The following SNX32 variants were observed in gnomAD, a reference collection of about 807,000 sequenced individuals.
The protein encoded by SNX32 is sorting nexin 32.
A neutral mutation model predicts 57.0 loss-of-function variants in SNX32; 58 were observed. The observed-to-expected ratio is 1.02, with a 90% CI of 0.82 to 1.27. The LOEUF is 1.27. SNX32 is among the 50% of genes most tolerant of loss of function. The pLI, the probability that SNX32 is intolerant of heterozygous loss-of-function variation, is 0.00. For missense variants in SNX32, 589 were observed against 541.2 expected (o/e 1.09, Z -0.88); for synonymous variants, 262 against 220.4 (o/e 1.19, Z -1.67).
intron 9 of SNX32, 52 bp downstream of exon 9, chr11:65,851,731 A>G (rs769466314): frequency 8.4e-5 from 134 of 1,591,774 alleles, no homozygotes; most frequent in South Asian, 1.1e-4. Context: ...TTTGCAGGGA[A>G]GATGAGTCCT....
At chr11:65,840,665 A>G (rs1462439842) in intron 1 of SNX32, among the ~76,000 whole-genome samples, 3 of 152,040 alleles carry the variant, frequency 2.0e-5, no homozygotes, top group Admixed American at 2.0e-4. Flanking sequence ...TTAGCCAGGC[A>G]TGGTGGCAGA....
intron 1 of SNX32, among the ~76,000 whole-genome samples, chr11:65,845,282 T>C (rs1384499566): frequency 6.8e-6 from 1 of 147,210 alleles, no homozygotes; most frequent in Non-Finnish European, 1.5e-5. Flanking sequence ...TACTAAAAAA[T>C]ACAAAATTAG....
At chr11:65,849,680 C>A in intron 2 of SNX32, 98 bp downstream of exon 2, 2 of 1,124,270 alleles carry the variant, frequency 1.8e-6, no homozygotes, top group Non-Finnish European at 1.3e-6. Context: ...CCTGTGGGCA[C>A]TCTTCCTCCA....
intron 1 of SNX32, 49 bp from the exon 2 acceptor site, chr11:65,849,429 G>A (rs2134697781): frequency 6.8e-7 from 1 of 1,461,254 alleles, no homozygotes; most frequent in Non-Finnish European, 9.4e-7. Context: ...GGCAAGGAAG[G>A]GCAAAGGGGC....
intron 5 of SNX32, 30 bp downstream of exon 5, chr11:65,850,584 C>A (rs751914009): frequency 5.1e-6 from 8 of 1,583,188 alleles, no homozygotes; most frequent in Non-Finnish European, 6.9e-6. Context: ...TGGGGTCACC[C>A]TTGGGCCAGG....
chr11:65,843,085 G>A (rs1034655063), intron 1 of SNX32, among the ~76,000 whole-genome samples: 1 of 150,898 alleles, frequency 6.6e-6, no homozygotes, highest in Admixed American at 6.6e-5. Flanking sequence ...TTAGCTGGGC[G>A]TGGTGGGCAC....
At chr11:65,844,322 A>G (rs1289450797) in intron 1 of SNX32, among the ~76,000 whole-genome samples, 1 of 152,162 alleles carries the variant, frequency 6.6e-6, no homozygotes, top group Non-Finnish European at 1.5e-5. Flanking sequence ...AAAGTTTATC[A>G]TACTTAATAG....
At chr11:65,840,522 GGC>G (rs1198138009) in intron 1 of SNX32, among the ~76,000 whole-genome samples, 2 of 152,112 alleles carry the variant, frequency 1.3e-5, no homozygotes, top group African/African-American at 4.8e-5. Context: ...CAAAAGAACT[GGC>G]CAGGAAGGTG....
At chr11:65,839,223 G>GTTTTGTTTTTTTTTTTTTTTT (rs755185237) in intron 1 of SNX32, among the ~76,000 whole-genome samples, 1 of 23,068 alleles carries the variant, frequency 4.3e-5, no homozygotes, top group South Asian at 2.1e-3. Context: ...TAATTTTTTT[G>GTTTTGTTTTTTTTTTTTTTTT]TATTTTTTTT....
At chr11:65,846,141 G>A (rs1403402851) in intron 1 of SNX32, among the ~76,000 whole-genome samples, 1 of 152,026 alleles carries the variant, frequency 6.6e-6, no homozygotes, top group South Asian at 2.1e-4. Flanking sequence ...CGTGGTGGTG[G>A]GCGTCTGTAA....
rs778115486 is a variant in SNX32, at chr11:65,850,464, G to A, written c.408G>A (p.Ala136=). 27 of 1,614,082 alleles carry A rather than the reference G, an allele frequency of 1.7e-5. No individual in the cohort carries two copies. Among genetic ancestry groups the A allele is most frequent in the Middle Eastern group, 3.3e-4 (2 of 6,084 alleles). Residue 136 remains alanine, a synonymous_variant, in exon 5 of 13, where the codon GCG becomes GCA. Coordinates refer to ENST00000308342, the MANE Select transcript of SNX32 (RefSeq NM_152760.3). ...EYLAIFKKTV[A]MHEVFLQRLA... is the part of the protein sequence containing the mutation. ...TGGCCATCTTTAAGAAGACAGTTGC[G>A]ATGCACGAAGTCTTTCTGCAGCGCC...
Position 65,853,321 on chromosome 11 carries a change from A to G in SNX32, c.1198A>G (p.Lys400Glu). Residue 400 changes from lysine to glutamate, a missense_variant, in exon 13 of 13, where the codon AAG becomes GAG. By Grantham distance (56) the Lys-to-Glu change is moderately conservative. Transcript: ENST00000308342. ...TCTCCGGAACACCCTTGTTGCCCTAAAGGGGGAGCCTTAGAGTAGCCAGAG... is the reference window on the plus strand; with the variant it reads ...TCTCCGGAACACCCTTGTTGCCCTAGAGGGGGAGCCTTAGAGTAGCCAGAG... ...LILRNTLVAL[K>E]GEP is the part of the protein sequence containing the mutation. The G allele has an allele frequency of 6.2e-7, 1 of 1,614,008 alleles. No individual in the cohort carries two copies. Among genetic ancestry groups the G allele is most frequent in the Middle Eastern group, 1.6e-4 (1 of 6,062 alleles).
intron 9 of SNX32, among the ~76,000 whole-genome samples, chr11:65,851,920 G>A (rs1216808383): frequency 1.3e-5 from 2 of 152,168 alleles, no homozygotes; most frequent in East Asian, 3.9e-4. Context: ...CAGCAGCGGA[G>A]GGTTGGGAGG....
chr11:65,851,598 T>TCCTCAG (rs747659779), intron 8 of SNX32, 42 bp from the exon 9 acceptor site: 20 of 1,610,682 alleles, frequency 1.2e-5, no homozygotes, highest in Non-Finnish European at 1.7e-5. Context: ...TTTGAGCTGT[T>TCCTCAG]CCTCAGCCCC....
In SNX32 at chr11:65,852,651, C is replaced by T. The variant is rs368132118; in HGVS notation, c.934C>T (p.Arg312Trp). 135 of 1,604,072 alleles carry T rather than the reference C, an allele frequency of 8.4e-5. No individual in the cohort carries two copies. The highest frequency in any genetic ancestry group is 6.5e-4 in the East Asian group (29 of 44,536). The change falls in exon 11 of 13, where the codon CGG becomes TGG. Residue 312 changes from arginine to tryptophan, a missense_variant. Transcript: ENST00000308342. Reference protein sequence around the residue: ...AAKDLLYRRLRALADYENANK... With the variant: ...AAKDLLYRRLWALADYENANK... ...CTAGGACCTGCTGTACCGGCGGCTG[C>T]GGGCACTGGCCGACTACGAGAATGC...
rs1859095605 is a variant in SNX32 at position 65,849,506 on chromosome 11, G to A, written c.65G>A (p.Gly22Glu). 3.1e-6 allele frequency: 5 copies of A among 1,613,608 alleles called. No individual in the cohort carries two copies. The highest frequency in any genetic ancestry group is 4.2e-6 in the Non-Finnish European group (5 of 1,179,636). The change falls in exon 2 of 13, where the codon GGA (glycine) becomes GAA (glutamate). Residue 22 changes from glycine (G) to glutamate (E), a missense_variant. Transcript: ENST00000308342. ...KPSCASVDLQ[G>E]DSSLQVEISD... is the part of the protein sequence containing the mutation. ...TCCTGTGCATCGGTGGATCTGCAGGGAGACAGCTCCTTACAGGTGGAGATT... is the reference window on the plus strand; with the variant it reads ...TCCTGTGCATCGGTGGATCTGCAGGAAGACAGCTCCTTACAGGTGGAGATT...
chr11:65,840,361 G>A (rs1373689480), intron 1 of SNX32, among the ~76,000 whole-genome samples: 1 of 152,074 alleles, frequency 6.6e-6, no homozygotes, highest in Non-Finnish European at 1.5e-5. Flanking sequence ...TCTGAGATTA[G>A]GAACATGTCA....
At chr11:65,852,217 C>T (rs182584050) in intron 9 of SNX32, among the ~76,000 whole-genome samples, 27 of 152,218 alleles carry the variant, frequency 1.8e-4, no homozygotes, top group African/African-American at 6.5e-4. Flanking sequence ...TCCCTGAACA[C>T]ATAGCCGGGC....
At chr11:65,849,431 C>CA in intron 1 of SNX32, 47 bp from the exon 2 acceptor site, 1 of 1,472,902 alleles carries the variant, frequency 6.8e-7, no homozygotes. Context: ...CAAGGAAGGG[C>CA]AAAGGGGCCA....
Sources: gnomAD v4.1 joint callset for allele counts (sites outside exome capture counted in the v4.1 genomes callset) on GRCh38, gnomAD v4.1.1 for gene constraint, MANE v1.5 for transcripts, NCBI Gene and HGNC (gene_info 2026-07-23, HGNC 2026-07-21) for gene names.